The following COL28A1 variants were observed in gnomAD, a reference collection of about 807,000 sequenced individuals.
COL28A1 encodes the protein collagen alpha-1(XXVIII) chain.
A neutral mutation model predicts 150.2 loss-of-function variants in COL28A1; 161 were observed. The ratio of observed to expected loss-of-function variants is 1.07; its 90% CI spans 0.94 to 1.22. The LOEUF is 1.22. COL28A1 is among the 50% of genes most tolerant of loss of function. The probability of loss-of-function intolerance (pLI) is 0.00; values close to 1 mark genes in which losing one functional copy is unlikely to be tolerated. For missense variants in COL28A1, 1,617 were observed against 1,388.3 expected (o/e 1.16, Z -2.62); for synonymous variants, 552 against 469.7 (o/e 1.18, Z -2.26).
chr7:7,399,417 A>G (rs1385193889), intron 27 of COL28A1, among the ~76,000 whole-genome samples: 5 of 152,252 alleles, frequency 3.3e-5, no homozygotes, highest in African/African-American at 1.2e-4. Flanking sequence ...AAACTCCCAA[A>G]GTGGAGGCAT....
intron 27 of COL28A1, among the ~76,000 whole-genome samples, chr7:7,394,555 G>A (rs907409921): frequency 6.6e-6 from 1 of 152,152 alleles, no homozygotes; most frequent in Admixed American, 6.5e-5. Flanking sequence ...CAGTTGCTGA[G>A]GTTGGCCATG....
At chr7:7,496,157 C>G (rs1418059300) in intron 11 of COL28A1, among the ~76,000 whole-genome samples, 1 of 152,160 alleles carries the variant, frequency 6.6e-6, no homozygotes, top group Non-Finnish European at 1.5e-5. Flanking sequence ...ATTGATAGCA[C>G]TGTTTTCCTT....
In COL28A1 at chr7:7,373,565, G is replaced by C. The variant is rs758413624; in HGVS notation, c.2360-19C>G. 2 of 1,591,606 alleles carry C rather than the reference G, an allele frequency of 1.3e-6. No individual in the cohort carries two copies. The highest frequency in any genetic ancestry group is 8.5e-7 in the Non-Finnish European group (1 of 1,169,602). ...CCACAACCTAAAAGATGAATGTTGA[G>C]AGAGAAAAATTGTGGGAATGATTGA... On this transcript the variant is annotated intron_variant, in intron 31 of 34. Transcript: ENST00000399429. The surrounding 1 kb of genome is among the most constrained non-coding windows in gnomAD (Gnocchi z 4.1).
intron 33 of COL28A1, among the ~76,000 whole-genome samples, chr7:7,363,287 C>G (rs959356851): frequency 6.6e-6 from 1 of 152,106 alleles, no homozygotes; most frequent in African/African-American, 2.4e-5. Flanking sequence ...GTCCTGAGTC[C>G]TCAAAAGTTA....
chr7:7,479,038 C>A (rs1789177407), intron 13 of COL28A1, among the ~76,000 whole-genome samples: 1 of 152,206 alleles, frequency 6.6e-6, no homozygotes, highest in Non-Finnish European at 1.5e-5. Context: ...AGAGTGGGCA[C>A]CGAGGCTGAG....
intron 30 of COL28A1, among the ~76,000 whole-genome samples, chr7:7,378,113 G>GA (rs1263980071): frequency 6.6e-6 from 1 of 152,072 alleles, no homozygotes; most frequent in Non-Finnish European, 1.5e-5. Context: ...AAGGATGTAA[G>GA]ATCTGGCGCT....
Position 7,373,645 on chromosome 7 carries a change from ACTATTCTCTT to A in COL28A1, c.2360-109_2360-100del. 1.1e-6 allele frequency: 1 copy of A among 882,200 alleles called. No homozygotes were observed. Among genetic ancestry groups the A allele is most frequent in the Non-Finnish European group, 1.8e-6 (1 of 570,430 alleles). 54.6% of individuals were successfully genotyped at this position (882,200 alleles called of 1,614,324 possible). On this transcript the variant is annotated intron_variant, in intron 31 of 34. Transcript: ENST00000399429. This position sits in a 1 kb window ranked among gnomAD's most constrained non-coding sequence, Gnocchi z 4.1. ...AGTCAATGATGAACCTGAGACCTAA[ACTATTCTCTT>A]CCTTTTCTGTGATTGTGAAAATACC... is the stretch of plus-strand genomic sequence containing the variant.
intron 25 of COL28A1, among the ~76,000 whole-genome samples, chr7:7,428,451 A>G (rs1784763305): frequency 1.3e-5 from 2 of 152,344 alleles, no homozygotes; most frequent in South Asian, 2.1e-4. Flanking sequence ...ATAAACTCTT[A>G]TATCAGAGAC....
At chr7:7,455,825 G>C (rs1787117457) in intron 16 of COL28A1, among the ~76,000 whole-genome samples, 1 of 152,170 alleles carries the variant, frequency 6.6e-6, no homozygotes, top group Non-Finnish European at 1.5e-5. Context: ...ACAGCATCAA[G>C]AAACACACTA....
At chr7:7,394,397 C>T (rs920074002) in intron 27 of COL28A1, among the ~76,000 whole-genome samples, 10 of 152,174 alleles carry the variant, frequency 6.6e-5, no homozygotes, top group Non-Finnish European at 1.5e-5. Context: ...TGCCAGCCTG[C>T]AATCCTATAT....
chr7:7,498,995 T>C (rs1020712916), intron 11 of COL28A1, among the ~76,000 whole-genome samples: 2 of 152,138 alleles, frequency 1.3e-5, no homozygotes, highest in Non-Finnish European at 2.9e-5. Context: ...ATCATCTACC[T>C]TGAAGCTATT....
rs192861911 is a variant in COL28A1 at position 7,495,197 on chromosome 7, A to G, written c.1027-4551T>C. On this transcript the variant is annotated intron_variant, in intron 11 of 34. Coordinates refer to ENST00000399429, the MANE Select transcript of COL28A1 (RefSeq NM_001037763.3). The stretch of plus-strand genomic sequence containing the variant: ...ATTATCATTTTGACATGTAATCAAC[A>G]CTTTTTAAAGTATTAATTATTTTTT... Among the ~76,000 whole-genome samples the G allele has an allele frequency of 4.6e-5, 7 of 152,300 alleles. No individual in the cohort carries two copies. The East Asian group carries it at 1.3e-3, about 29-fold the overall frequency.
intron 27 of COL28A1, among the ~76,000 whole-genome samples, chr7:7,394,157 G>A (rs887797606): frequency 6.6e-6 from 1 of 152,136 alleles, no homozygotes; most frequent in African/African-American, 2.4e-5. Flanking sequence ...TCATGGCACA[G>A]TCCCTCATGG....
intron 13 of COL28A1, among the ~76,000 whole-genome samples, chr7:7,481,651 G>A (rs764075955): frequency 3.9e-5 from 6 of 152,148 alleles, no homozygotes; most frequent in Non-Finnish European, 7.4e-5. Flanking sequence ...TCAGTGAAAT[G>A]CTTTATCTGA....
At chr7:7,502,422 AT>A (rs1326198337) in intron 11 of COL28A1, among the ~76,000 whole-genome samples, 1 of 152,052 alleles carries the variant, frequency 6.6e-6, no homozygotes, top group Non-Finnish European at 1.5e-5. Flanking sequence ...TAACACATGC[AT>A]TTTTTTCCTT....
chr7:7,539,745 TCTA>T (rs1782753413), upstream of COL28A1, among the ~76,000 whole-genome samples: 1 of 152,176 alleles, frequency 6.6e-6, no homozygotes, highest in Admixed American at 6.5e-5. Flanking sequence ...CCACATTCCC[TCTA>T]CTATTTTTCA....
chr7:7,491,174 G>A (rs962442467), intron 11 of COL28A1, among the ~76,000 whole-genome samples: 2 of 152,130 alleles, frequency 1.3e-5, no homozygotes, highest in African/African-American at 4.8e-5. Flanking sequence ...CAGTCAGTGG[G>A]CAGCTGTTCT....
intron 33 of COL28A1, among the ~76,000 whole-genome samples, chr7:7,362,139 C>T (rs1396237747): frequency 6.6e-6 from 1 of 152,152 alleles, no homozygotes; most frequent in African/African-American, 2.4e-5. Flanking sequence ...TGTAACAAAC[C>T]TGCACATTCT....
intron 11 of COL28A1, among the ~76,000 whole-genome samples, chr7:7,501,755 C>T (rs1780539025): frequency 6.6e-6 from 1 of 152,110 alleles, no homozygotes; most frequent in Non-Finnish European, 1.5e-5. Flanking sequence ...AAGGCAGCAG[C>T]GTTGGGTTTT....
Sources: allele counts gnomAD v4.1 joint callset (sites outside exome capture counted in the v4.1 genomes callset), GRCh38; gene constraint gnomAD v4.1.1; non-coding constraint Gnocchi (gnomAD v3.1); transcripts MANE v1.5; gene names NCBI Gene and HGNC (gene_info 2026-07-23, HGNC 2026-07-21).